The following ZNF385D variants were observed in gnomAD, a reference collection of about 807,000 sequenced individuals.
ZNF385D encodes zinc finger protein 385D, also known as zinc finger protein 659.
In ZNF385D, 15 loss-of-function variants were observed where a neutral mutation model predicts 35.8. The observed-to-expected ratio is 0.42, with a 90% CI of 0.28 to 0.64. The LOEUF is 0.64. ZNF385D is among the 30% of genes least tolerant of loss of function. The pLI is 0.23. For missense variants in ZNF385D, 474 were observed against 494.6 expected (o/e 0.96, Z 0.39); for synonymous variants, 212 against 186.8 (o/e 1.13, Z -1.10).
intron 2 of ZNF385D, among the ~76,000 whole-genome samples, chr3:22,177,743 CCCA>C (rs1014731773): frequency 6.6e-6 from 1 of 152,134 alleles, no homozygotes; most frequent in Non-Finnish European, 1.5e-5. Context: ...CTCCCCAAAC[CCCA>C]CAACAGTCCC....
chr3:22,094,689 T>C (rs1701521147), intron 3 of ZNF385D, among the ~76,000 whole-genome samples: 1 of 151,908 alleles, frequency 6.6e-6, no homozygotes, highest in Admixed American at 6.6e-5. Flanking sequence ...AGAAGATGGC[T>C]AGTCATGAGA....
intron 1 of ZNF385D, among the ~76,000 whole-genome samples, chr3:21,690,368 G>C (rs1413654796): frequency 1.3e-5 from 2 of 152,184 alleles, no homozygotes; most frequent in Non-Finnish European, 2.9e-5. Context: ...ACCTTGCCTA[G>C]GAGTCCTACT....
intron 2 of ZNF385D, among the ~76,000 whole-genome samples, chr3:22,318,839 T>A (rs760249610): frequency 3.5e-4 from 54 of 152,144 alleles, no homozygotes; most frequent in Non-Finnish European, 5.3e-4. Context: ...CTGGAAGTCA[T>A]GATGAATATA....
intron 2 of ZNF385D, among the ~76,000 whole-genome samples, chr3:22,349,839 T>C (rs1195814933): frequency 2.0e-5 from 3 of 152,122 alleles, no homozygotes; most frequent in Admixed American, 6.6e-5. Flanking sequence ...TTTCTAGACA[T>C]TGCCATTATT....
chr3:22,310,100 G>A (rs1393303357), intron 2 of ZNF385D, among the ~76,000 whole-genome samples: 1 of 151,890 alleles, frequency 6.6e-6, no homozygotes, highest in Non-Finnish European at 1.5e-5. Context: ...ATCTTATATT[G>A]TATTAAGTGT....
chr3:21,966,668 G>T (rs1484987803), intron 3 of ZNF385D, among the ~76,000 whole-genome samples: 1 of 152,130 alleles, frequency 6.6e-6, no homozygotes, highest in East Asian at 1.9e-4. Flanking sequence ...TACAATCTCT[G>T]CCTCCCGGGT....
At chr3:22,213,867 T>C (rs893763682) in intron 2 of ZNF385D, among the ~76,000 whole-genome samples, 2 of 152,062 alleles carry the variant, frequency 1.3e-5, no homozygotes, top group African/African-American at 4.8e-5. Context: ...GTGACATGTG[T>C]ATTCTCTCCT....
chr3:21,749,486 G>A (rs1370302936), intron 1 of ZNF385D, among the ~76,000 whole-genome samples: 1 of 152,038 alleles, frequency 6.6e-6, no homozygotes, highest in Non-Finnish European at 1.5e-5. Flanking sequence ...ATTGTATTTT[G>A]TCCAAAAGAC....
chr3:22,074,219 TGAAGA>T (rs146674237), intron 3 of ZNF385D, among the ~76,000 whole-genome samples: 3,069 of 152,116 alleles, frequency 0.02, 100 homozygotes, highest in African/African-American at 0.069. Context: ...TCATTTGCTC[TGAAGA>T]GAAAAGGCAA....
intron 3 of ZNF385D, among the ~76,000 whole-genome samples, chr3:22,098,048 C>T (rs1701723563): frequency 6.6e-6 from 1 of 151,954 alleles, no homozygotes; most frequent in African/African-American, 2.4e-5. Flanking sequence ...AGGGAAATAC[C>T]TAGAGTGTGT....
intron 3 of ZNF385D, among the ~76,000 whole-genome samples, chr3:22,024,079 A>ACTTT (rs1697387336): frequency 6.6e-6 from 1 of 152,102 alleles, no homozygotes; most frequent in African/African-American, 2.4e-5. Context: ...GGCACAACCT[A>ACTTT]ATCAGCTGCC....
chr3:22,021,079 A>G (rs2125455266), intron 3 of ZNF385D, among the ~76,000 whole-genome samples: 1 of 150,406 alleles, frequency 6.6e-6, no homozygotes, highest in East Asian at 1.9e-4. Context: ...CCATGGACAT[A>G]GAGAGTGAAA....
At chr3:22,005,413 A>T (rs887183297) in intron 3 of ZNF385D, among the ~76,000 whole-genome samples, 1 of 152,090 alleles carries the variant, frequency 6.6e-6, no homozygotes, top group African/African-American at 2.4e-5. Flanking sequence ...AATAAGGGAG[A>T]TCTATTGTTC....
intron 2 of ZNF385D, among the ~76,000 whole-genome samples, chr3:22,207,097 A>C (rs1697207439): frequency 6.6e-6 from 1 of 152,080 alleles, no homozygotes; most frequent in Non-Finnish European, 1.5e-5. Flanking sequence ...TCTGAAATTC[A>C]AAGGATTATC....
intron 3 of ZNF385D, among the ~76,000 whole-genome samples, chr3:21,905,434 G>A (rs1699636585): frequency 6.6e-6 from 1 of 151,696 alleles, no homozygotes; most frequent in East Asian, 1.9e-4. Flanking sequence ...TAGCTTGTCA[G>A]CATCAGGCAA....
At chr3:21,796,279 A>T (rs1450528392) in intron 3 of ZNF385D, among the ~76,000 whole-genome samples, 1 of 152,184 alleles carries the variant, frequency 6.6e-6, no homozygotes, top group Non-Finnish European at 1.5e-5. Context: ...CACATTTCCT[A>T]AATTGTTCTA....
chr3:22,155,744 A>G (rs62248920), intron 3 of ZNF385D, among the ~76,000 whole-genome samples: 27,019 of 152,118 alleles, frequency 0.18, 3,077 homozygotes, highest in Non-Finnish European at 0.25. Context: ...AGAATTATGT[A>G]TGACTCTCCA....
intron 3 of ZNF385D, among the ~76,000 whole-genome samples, chr3:21,832,960 TA>T: frequency 6.6e-6 from 1 of 152,206 alleles, no homozygotes. Flanking sequence ...AAATATTATA[TA>T]AAAATCAATC....
At chr3:22,293,217 A>C (rs1702394075) in intron 2 of ZNF385D, among the ~76,000 whole-genome samples, 1 of 152,042 alleles carries the variant, frequency 6.6e-6, no homozygotes. Flanking sequence ...TAATAATTTC[A>C]TTACTTTGGA....
Sources: allele counts gnomAD v4.1 joint callset (sites outside exome capture counted in the v4.1 genomes callset), GRCh38; gene constraint gnomAD v4.1.1; transcripts MANE v1.5; gene names NCBI Gene and HGNC (gene_info 2026-07-23, HGNC 2026-07-21).